RAF1: variants seen among roughly 807,000 people sequenced by gnomAD.
The protein encoded by RAF1 is RAF proto-oncogene serine/threonine-protein kinase.
In RAF1, 27 loss-of-function variants were observed where a neutral mutation model predicts 81.1. That is an observed-to-expected ratio of 0.33 (90% CI 0.25 to 0.46). RAF1 has a LOEUF of 0.46. RAF1 is among the 20% of genes least tolerant of loss of function. The pLI, the probability that RAF1 is intolerant of heterozygous loss-of-function variation, is 1.00. For missense variants in RAF1, 598 were observed against 826.0 expected (o/e 0.72, Z 3.38); for synonymous variants, 298 against 294.0 (o/e 1.01, Z -0.14).
rs730881008 is a variant in RAF1, at chr3:12,584,522, C to T, written c.1999G>A (p.Val667Ile). The T allele has an allele frequency of 1.2e-6, 2 of 1,614,208 alleles. No individual in the cohort carries two copies. The highest frequency in any genetic ancestry group is 3.3e-5 in the Admixed American group (2 of 60,020). The change falls in exon 18 of 18, where the codon GTC (valine) becomes ATC (isoleucine). Residue 667 changes from valine to isoleucine, a missense_variant. Physicochemically the swap from Val to Ile is conservative, Grantham distance 29 (BLOSUM62 3). This residue lies in a region of RAF1 where 147 missense variants were observed against 196.1 expected (regional missense o/e 0.75). Transcript: ENST00000442415. ...GACAGGTGCAAAGTCAACTAGAAGA[C>T]AGGCAGCCTCGGGGACGTGGTCAGC...
chr3:12,659,654 C>T (rs1383585375), intron 1 of RAF1, among the ~76,000 whole-genome samples: 2 of 151,240 alleles, frequency 1.3e-5, no homozygotes, highest in African/African-American at 4.9e-5. Context: ...ACCTCATAGT[C>T]ATTTGTTTTG....
chr3:12,594,422 T>C (rs2058622434), intron 11 of RAF1, among the ~76,000 whole-genome samples: 1 of 152,188 alleles, frequency 6.6e-6, no homozygotes, highest in African/African-American at 2.4e-5. Context: ...CCTTCCTATT[T>C]CATGGACCTC....
At position 12,651,493 on chromosome 3, in the gene RAF1, G is replaced by C. The variant is rs148814275; in HGVS notation, c.-27+12320C>G. 2.6e-3 allele frequency among the ~76,000 whole-genome samples: 391 copies of C among 151,850 alleles called. 1 individual carries two copies. The highest frequency in any genetic ancestry group is 4.6e-3 in the Non-Finnish European group (312 of 67,972). Reference sequence around the variant, plus strand: ...TACTAATACAAAAAAAATTAGCCAGGCGTGGTGGCTCATGCCCATAGTCCC... The same window carrying C: ...TACTAATACAAAAAAAATTAGCCAGCCGTGGTGGCTCATGCCCATAGTCCC... On this transcript the variant is annotated intron_variant, in intron 1 of 17. Coordinates refer to ENST00000442415, the MANE Select transcript of RAF1 (RefSeq NM_001354689.3).
At chr3:12,632,211 C>G (rs1369053645) in intron 1 of RAF1, among the ~76,000 whole-genome samples, 1 of 151,350 alleles carries the variant, frequency 6.6e-6, no homozygotes, top group Admixed American at 6.6e-5. Context: ...GTAGTCCCAG[C>G]TACTCGGGAG....
At position 12,644,816 on chromosome 3, in the gene RAF1, G is replaced by T. The variant is rs5746174; in HGVS notation, c.-27+18997C>A. ...CTATATTTCACTCAAAAATATTAAG[G>T]CGGCCAGGCGTGGTGGCTCATGGCT... On this transcript the variant is annotated intron_variant, in intron 1 of 17. Transcript: ENST00000442415. Among the ~76,000 whole-genome samples, 642 of 151,950 alleles carry T rather than the reference G, an allele frequency of 4.2e-3. 3 individuals are homozygous for T. The highest frequency in any genetic ancestry group is 0.01 in the Middle Eastern group (3 of 294).
chr3:12,589,543 G>A (rs2058435242), intron 13 of RAF1: 1 of 152,120 alleles, frequency 6.6e-6, no homozygotes, highest in Non-Finnish European at 1.5e-5. Context: ...AAGGTGGGAG[G>A]ATCACTTGAG....
At chr3:12,587,717 A>G in intron 13 of RAF1, 80 bp from the exon 13 acceptor site, 1 of 1,205,944 alleles carries the variant, frequency 8.3e-7, no homozygotes, top group Non-Finnish European at 1.2e-6. Flanking sequence ...GCTAAGAAGT[A>G]AAGCCACTGA....
chr3:12,593,359 G>C (rs2058580150), intron 11 of RAF1, among the ~76,000 whole-genome samples: 2 of 152,118 alleles, frequency 1.3e-5, no homozygotes, highest in Non-Finnish European at 2.9e-5. Flanking sequence ...GGGATTACAA[G>C]CGTAAGCCAC....
chr3:12,608,990 C>A, intron 4 of RAF1, 67 bp from the exon 5 acceptor site: 4 of 1,577,888 alleles, frequency 2.5e-6, no homozygotes, highest in Non-Finnish European at 3.5e-6. Context: ...AACTTCATTT[C>A]TTGGCCTCCA....
chr3:12,647,129 T>C (rs1322934598), intron 1 of RAF1, among the ~76,000 whole-genome samples: 3 of 151,418 alleles, frequency 2.0e-5, no homozygotes, highest in East Asian at 3.9e-4. Context: ...ACCCCGTCTC[T>C]ACTAAAAATA....
At chr3:12,618,231 A>C (rs1002715537) in intron 2 of RAF1, among the ~76,000 whole-genome samples, 8 of 152,354 alleles carry the variant, frequency 5.3e-5, no homozygotes, top group African/African-American at 1.9e-4. Context: ...TTCTCAAAGA[A>C]AAGTCTTTGA....
chr3:12,613,135 G>A (rs1575590946), intron 2 of RAF1, among the ~76,000 whole-genome samples: 2 of 152,234 alleles, frequency 1.3e-5, no homozygotes, highest in East Asian at 3.9e-4. Context: ...AAAAAGCTAG[G>A]CAGGTACTCA....
At chr3:12,655,746 G>T (rs974498705) in intron 1 of RAF1, among the ~76,000 whole-genome samples, 1 of 151,970 alleles carries the variant, frequency 6.6e-6, no homozygotes, top group African/African-American at 2.4e-5. Flanking sequence ...GCCATAAAAA[G>T]GAATAAAATA....
At chr3:12,607,661 T>TA (rs926512614) in intron 5 of RAF1, among the ~76,000 whole-genome samples, 23 of 147,618 alleles carry the variant, frequency 1.6e-4, no homozygotes, top group African/African-American at 3.7e-4. Flanking sequence ...AAAATAATAA[T>TA]AAAAAAAAAG....
intron 11 of RAF1, among the ~76,000 whole-genome samples, chr3:12,598,922 C>T (rs1277463652): frequency 1.3e-5 from 2 of 151,942 alleles, no homozygotes; most frequent in Non-Finnish European, 1.5e-5. Context: ...GTGATTTTTG[C>T]TTTATTGTAA....
chr3:12,587,837 C>CA, intron 13 of RAF1, 200 bp from the exon 13 acceptor site: 6 of 193,310 alleles, frequency 3.1e-5, no homozygotes, highest in East Asian at 7.1e-5. Flanking sequence ...ATGCTTACAC[C>CA]TTTTTTTTTT....
Position 12,611,947 on chromosome 3 carries a change from T to C in RAF1, c.320+3A>G. 1.2e-6 allele frequency: 2 copies of C among 1,612,598 alleles called. No individual in the cohort carries two copies. The highest frequency in any genetic ancestry group is 1.7e-6 in the Non-Finnish European group (2 of 1,178,578). On this transcript the variant is annotated splice_donor_region_variant and intron_variant, in intron 3 of 17. Transcript: ENST00000442415. ...AGAAGTCAATTGACTTTTGAGCTCT[T>C]ACCCTTTGTGTTCGTGGAGAAGTCT...
chr3:12,595,062 C>A (rs1006525939), intron 11 of RAF1, among the ~76,000 whole-genome samples: 2 of 152,152 alleles, frequency 1.3e-5, no homozygotes, highest in Admixed American at 6.6e-5. Context: ...TAATAAAGAA[C>A]TATTCCATGC....
chr3:12,606,095 C>G (rs763419565), intron 6 of RAF1, 106 bp downstream of exon 6: 30 of 798,466 alleles, frequency 3.8e-5, no homozygotes, highest in Non-Finnish European at 5.9e-5. Flanking sequence ...GGGGTTTCCA[C>G]GTAGAGAGGA....
Sources: gnomAD v4.1 joint callset for allele counts (sites outside exome capture counted in the v4.1 genomes callset) on GRCh38, gnomAD v4.1.1 for gene constraint, gnomAD v4.1.1 regional missense constraint, MANE v1.5 for transcripts, NCBI Gene and HGNC (gene_info 2026-07-23, HGNC 2026-07-21) for gene names.